RSRC1: variants seen among roughly 807,000 people sequenced by gnomAD.
RSRC1 encodes the protein serine/Arginine-related protein 53.
RSRC1 carries 39 observed loss-of-function variants against 49.1 expected under a neutral mutation model. The observed-to-expected ratio is 0.79, with a 90% confidence interval of 0.61 to 1.04. RSRC1 has a LOEUF of 1.04. RSRC1 is among the 50% of genes least tolerant of loss of function. The probability of loss-of-function intolerance (pLI) is 0.00; values close to 1 mark genes in which losing one functional copy is unlikely to be tolerated. For missense variants in RSRC1, 388 were observed against 402.4 expected (o/e 0.96, Z 0.31); for synonymous variants, 143 against 130.8 (o/e 1.09, Z -0.63).
At chr3:158,256,615 C>G (rs2693530) in intron 4 of RSRC1, among the ~76,000 whole-genome samples, 72,386 of 151,960 alleles carry the variant, frequency 0.48, 17,797 homozygotes, top group East Asian at 0.64. Context: ...CCCTCTTTTT[C>G]TATTGATTGG....
At chr3:158,391,203 TA>T (rs1182312969) in intron 6 of RSRC1, among the ~76,000 whole-genome samples, 4 of 152,184 alleles carry the variant, frequency 2.6e-5, no homozygotes, top group Non-Finnish European at 4.4e-5. Flanking sequence ...AATTTTTGGT[TA>T]TTTTTTTCTT....
intron 6 of RSRC1, among the ~76,000 whole-genome samples, chr3:158,430,293 A>G (rs1475810681): frequency 6.6e-6 from 1 of 151,860 alleles, no homozygotes; most frequent in Non-Finnish European, 1.5e-5. Flanking sequence ...TTAACTTGTG[A>G]TACAGTTTCC....
intron 4 of RSRC1, among the ~76,000 whole-genome samples, chr3:158,229,250 A>G (rs1722771304): frequency 6.8e-6 from 1 of 148,118 alleles, no homozygotes; most frequent in Admixed American, 6.8e-5. Flanking sequence ...ATGTATATAA[A>G]CATACATGTA....
intron 6 of RSRC1, among the ~76,000 whole-genome samples, chr3:158,421,460 G>C (rs138702811): frequency 6.6e-6 from 1 of 151,976 alleles, no homozygotes; most frequent in African/African-American, 2.4e-5. Flanking sequence ...TTTTAGGAAG[G>C]CTAGTAAGAT....
chr3:158,274,985 G>A (rs1355873592), intron 4 of RSRC1, among the ~76,000 whole-genome samples: 1 of 152,180 alleles, frequency 6.6e-6, no homozygotes, highest in Non-Finnish European at 1.5e-5. Flanking sequence ...CAATGTGACT[G>A]AAGGGTTTCA....
chr3:158,290,868 A>G lies in RSRC1; in HGVS notation c.495-7171A>G, dbSNP rs113227122. On this transcript the variant is annotated intron_variant, in intron 4 of 9. Transcript: ENST00000611884. ...TACTAGTCTTTTAAAAGTAAATAAT[A>G]TGTTTAGTTCATGACAAAAAAATCT... 8.3e-3 allele frequency among the ~76,000 whole-genome samples: 1,266 copies of G among 152,286 alleles called. 17 individuals are homozygous for G. Among genetic ancestry groups the G allele is most frequent in the African/African-American group, 0.03 (1,231 of 41,556 alleles).
At chr3:158,127,817 C>G (rs1715732520) in intron 3 of RSRC1, among the ~76,000 whole-genome samples, 2 of 137,792 alleles carry the variant, frequency 1.5e-5, no homozygotes, top group Admixed American at 1.5e-4. Flanking sequence ...GCTGCCTTTC[C>G]TAGTCTTTAT....
At chr3:158,235,120 C>G (rs1425662521) in intron 4 of RSRC1, among the ~76,000 whole-genome samples, 1 of 151,994 alleles carries the variant, frequency 6.6e-6, no homozygotes, top group Non-Finnish European at 1.5e-5. Flanking sequence ...AGCGATTTTT[C>G]TTTTGAGTTT....
chr3:158,133,719 A>G (rs1479452571), intron 3 of RSRC1, among the ~76,000 whole-genome samples: 3 of 152,206 alleles, frequency 2.0e-5, no homozygotes, highest in Non-Finnish European at 4.4e-5. Flanking sequence ...AAATCATCCC[A>G]TTTCCTAATT....
At chr3:158,126,298 C>T (rs1715624058) in intron 3 of RSRC1, among the ~76,000 whole-genome samples, 1 of 151,950 alleles carries the variant, frequency 6.6e-6, no homozygotes, top group Admixed American at 6.6e-5. Flanking sequence ...TCTCTCATGT[C>T]TCCTGCTGCC....
chr3:158,446,790 G>T (rs1256596463), intron 6 of RSRC1, among the ~76,000 whole-genome samples: 1 of 151,924 alleles, frequency 6.6e-6, no homozygotes, highest in Non-Finnish European at 1.5e-5. Context: ...AACAGAACGT[G>T]CCTCTTCATT....
intron 3 of RSRC1, among the ~76,000 whole-genome samples, chr3:158,124,598 T>C (rs1394261414): frequency 6.6e-6 from 1 of 152,180 alleles, no homozygotes; most frequent in Non-Finnish European, 1.5e-5. Context: ...AATCTCCTTG[T>C]TAGTTATACG....
chr3:158,174,162 C>T (rs1401491249), intron 3 of RSRC1, among the ~76,000 whole-genome samples: 1 of 151,546 alleles, frequency 6.6e-6, no homozygotes, highest in African/African-American at 2.4e-5. Context: ...TTTCTCTCAA[C>T]GTTGGGGTTG....
intron 3 of RSRC1, among the ~76,000 whole-genome samples, chr3:158,168,352 A>G (rs149661539): frequency 4.6e-5 from 7 of 152,296 alleles, no homozygotes; most frequent in Non-Finnish European, 1.0e-4. Context: ...TGATCTAGAG[A>G]ATTGTGTGAA....
intron 6 of RSRC1, among the ~76,000 whole-genome samples, chr3:158,370,076 C>T (rs1228732698): frequency 6.6e-6 from 1 of 151,614 alleles, no homozygotes; most frequent in African/African-American, 2.4e-5. Flanking sequence ...AGACTTTTGT[C>T]CTATTTTGGT....
intron 6 of RSRC1, among the ~76,000 whole-genome samples, chr3:158,381,682 G>A (rs1274630373): frequency 1.3e-5 from 2 of 152,140 alleles, no homozygotes; most frequent in African/African-American, 2.4e-5. Context: ...ACAGCATGTT[G>A]CTGTGCTGAA....
chr3:158,354,907 TG>T lies in RSRC1; in HGVS notation c.583+1del. On this transcript the variant is annotated frameshift_variant and splice_region_variant, in exon 6 of 10. Coordinates refer to ENST00000611884, the MANE Select transcript of RSRC1 (RefSeq NM_001271838.2). LOFTEE classifies it high-confidence loss of function. ...ARLQLVLEAA[A>X]KADEALKAKE... The stretch of plus-strand genomic sequence containing the variant: ...GACTACAGCTGGTTCTTGAAGCTGC[TG>T]GTAAGTGTTGATAATTAACTTTTAT... The T allele has an allele frequency of 6.5e-7, 1 of 1,548,472 alleles. No homozygotes were observed.
At chr3:158,249,632 G>A (rs954018029) in intron 4 of RSRC1, among the ~76,000 whole-genome samples, 3 of 151,968 alleles carry the variant, frequency 2.0e-5, no homozygotes, top group African/African-American at 7.3e-5. Context: ...ACAGTAGAAT[G>A]TGTAGATCTA....
chr3:158,276,459 G>C, intron 4 of RSRC1: 1 of 668,844 alleles, frequency 1.5e-6, no homozygotes, highest in Non-Finnish European at 2.7e-6. Context: ...ACAGAAAGGC[G>C]CCAAGGTTAG....
Sources: gnomAD v4.1 joint callset for allele counts (sites outside exome capture counted in the v4.1 genomes callset) on GRCh38, gnomAD v4.1.1 for gene constraint, MANE v1.5 for transcripts, NCBI Gene and HGNC (gene_info 2026-07-23, HGNC 2026-07-21) for gene names.